Variants in DDR2 observed in about 807,000 individuals in gnomAD.
DDR2 encodes the protein discoidin domain receptor tyrosine kinase 2.
A neutral mutation model predicts 94.9 loss-of-function variants in DDR2; 27 were observed. That is an observed-to-expected ratio of 0.28 (90% CI 0.21 to 0.39). DDR2 has a LOEUF of 0.39. Ranked by LOEUF, DDR2 falls within the 10% of genes least tolerant of loss-of-function variation. DDR2 has a pLI of 1.00. For missense variants in DDR2, 783 were observed against 1,076.0 expected, an observed-to-expected ratio of 0.73 and a Z score of 3.81; for synonymous variants, 382 against 377.2, an observed-to-expected ratio of 1.01 and a Z score of -0.15.
At chr1:162,766,629 A>G (rs1030663647) in intron 10 of DDR2, among the ~76,000 whole-genome samples, 1 of 152,216 alleles carries the variant, frequency 6.6e-6, no homozygotes, top group Non-Finnish European at 1.5e-5. Context: ...GGCCATAATA[A>G]TACAGAGACA....
chr1:162,692,568 A>G (rs1174950800), intron 2 of DDR2, among the ~76,000 whole-genome samples: 2 of 152,224 alleles, frequency 1.3e-5, no homozygotes, highest in Non-Finnish European at 1.5e-5. Context: ...CTCCACCTTT[A>G]CCTCAGTCAC....
intron 2 of DDR2, among the ~76,000 whole-genome samples, chr1:162,715,197 A>G (rs1022118613): frequency 1.1e-4 from 17 of 152,188 alleles, no homozygotes; most frequent in African/African-American, 4.1e-4. Flanking sequence ...GCAAATACTT[A>G]TCAGGCACTC....
chr1:162,717,807 A>G (rs888547287), intron 2 of DDR2, among the ~76,000 whole-genome samples: 4 of 152,166 alleles, frequency 2.6e-5, no homozygotes, highest in Non-Finnish European at 5.9e-5. Flanking sequence ...TGACTTATCA[A>G]TGTTGATGTT....
At chr1:162,648,978 T>A (rs1350089433) in intron 1 of DDR2, among the ~76,000 whole-genome samples, 1 of 152,068 alleles carries the variant, frequency 6.6e-6, no homozygotes, top group Non-Finnish European at 1.5e-5. Flanking sequence ...TTGCTTCTCT[T>A]TCCCATCTCT....
At chr1:162,650,694 T>A (rs1385133047) in intron 1 of DDR2, among the ~76,000 whole-genome samples, 4 of 152,148 alleles carry the variant, frequency 2.6e-5, no homozygotes, top group Non-Finnish European at 5.9e-5. Flanking sequence ...CCTCCTGTGC[T>A]AGTCATTGGT....
Position 162,761,355 on chromosome 1 carries a change from G to T in DDR2, c.1000G>T (p.Val334Phe). Residue 334 changes from valine to phenylalanine, a missense_variant, in exon 9 of 18, where the codon GTC (valine) becomes TTC (phenylalanine). Around this residue, in one of 2 missense-constraint regions of DDR2, gnomAD observed 519 missense variants for 647.9 expected, o/e 0.80. Coordinates refer to ENST00000367921, the MANE Select transcript of DDR2 (RefSeq NM_006182.4). ...LDDVNPSARF[V>F]TVPLHHRMAS... Reference sequence around the variant, plus strand: ...TGACGTCAACCCCAGTGCTCGGTTTGTCACGGTGCCTCTCCACCACCGAAT... The same window carrying T: ...TGACGTCAACCCCAGTGCTCGGTTTTTCACGGTGCCTCTCCACCACCGAAT... The T allele has an allele frequency of 6.2e-7, 1 of 1,614,168 alleles. No individual in the cohort carries two copies. Among genetic ancestry groups the T allele is most frequent in the Non-Finnish European group, 8.5e-7 (1 of 1,180,030 alleles).
intron 1 of DDR2, among the ~76,000 whole-genome samples, chr1:162,649,039 T>G (rs572456902): frequency 1.3e-5 from 2 of 152,172 alleles, no homozygotes; most frequent in East Asian, 3.9e-4. Flanking sequence ...TAGTGACATT[T>G]CTGCTTGAGA....
intron 1 of DDR2, among the ~76,000 whole-genome samples, chr1:162,650,637 G>A (rs1490825942): frequency 6.6e-6 from 1 of 152,020 alleles, no homozygotes; most frequent in Non-Finnish European, 1.5e-5. Context: ...TGTGCTCCTG[G>A]TCACATGCAG....
Position 162,778,742 on chromosome 1 carries a change from G to A in DDR2, c.2433+13G>A, listed in dbSNP as rs2102207389. 1 of 1,613,682 alleles carries A rather than the reference G, an allele frequency of 6.2e-7. No individual in the cohort carries two copies. On this transcript the variant is annotated intron_variant, in intron 17 of 17. Transcript: ENST00000367921. ...CCAAGGGAGGCAGGTAAGAACTGTT[G>A]GGGATGAATGGATGTGGACCTGTGT...
In DDR2 at chr1:162,780,473, G is replaced by T; in HGVS notation, c.*227G>T. The T allele has an allele frequency of 1.8e-6, 1 of 556,020 alleles. No homozygotes were observed. The highest frequency in any genetic ancestry group is 3.1e-6 in the Non-Finnish European group (1 of 325,214). The allele number at this position is 556,020 out of a possible 1,614,324, so 34.4% of individuals were successfully genotyped here. ...AAAAAAGGAAAAAAAAAAGCCTAGGGCAGATACAATCTAGTAAAAGAAAAT... is the reference window on the plus strand; with the variant it reads ...AAAAAAGGAAAAAAAAAAGCCTAGGTCAGATACAATCTAGTAAAAGAAAAT... On this transcript the variant is annotated 3_prime_UTR_variant, in exon 18 of 18. Transcript: ENST00000367921.
At chr1:162,742,296 CAA>C (rs1253675148) in intron 3 of DDR2, among the ~76,000 whole-genome samples, 1 of 152,016 alleles carries the variant, frequency 6.6e-6, no homozygotes, top group Admixed American at 6.5e-5. Context: ...CAAGACTGGT[CAA>C]TTTATAAGAA....
intron 3 of DDR2, among the ~76,000 whole-genome samples, chr1:162,749,181 C>T (rs1266543482): frequency 1.3e-5 from 2 of 151,986 alleles, no homozygotes; most frequent in Non-Finnish European, 2.9e-5. Flanking sequence ...GAGATAGAGA[C>T]ACAAAAAACC....
intron 3 of DDR2, among the ~76,000 whole-genome samples, chr1:162,751,399 C>T (rs1360822843): frequency 6.6e-6 from 1 of 152,152 alleles, no homozygotes; most frequent in Non-Finnish European, 1.5e-5. Context: ...TGAAAAAATG[C>T]TCATCACCAC....
chr1:162,640,178 A>AT (rs1402370536), intron 1 of DDR2, among the ~76,000 whole-genome samples: 2 of 151,666 alleles, frequency 1.3e-5, no homozygotes, highest in African/African-American at 2.4e-5. Flanking sequence ...AGTAGCTGGG[A>AT]TTACAGGCGT....
At chr1:162,653,754 G>A (rs1571149634) in intron 1 of DDR2, among the ~76,000 whole-genome samples, 2 of 152,096 alleles carry the variant, frequency 1.3e-5, no homozygotes, top group East Asian at 3.9e-4. Flanking sequence ...GAGCAGTGAG[G>A]TAAGCCCCAA....
In DDR2 at chr1:162,782,928, A is replaced by C. The variant is rs1451025755; in HGVS notation, c.*2682A>C. 6.6e-6 allele frequency: 1 copy of C among 152,162 alleles called. No homozygotes were observed. The highest frequency in any genetic ancestry group is 2.4e-5 in the African/African-American group (1 of 41,430). The allele number at this position is 152,162 out of a possible 1,614,324, so 9.4% of individuals were successfully genotyped here. A position where few individuals can be genotyped will look rare whatever the true frequency, so the allele number is the denominator to read the frequency against. ...GCACTGAGAACTTTGTATTACAGAC[A>C]CAGGTTTAGTTTCTAGCTTAGTCAT... On this transcript the variant is annotated 3_prime_UTR_variant, in exon 18 of 18. Coordinates refer to ENST00000367921, the MANE Select transcript of DDR2 (RefSeq NM_006182.4).
chr1:162,649,802 C>T (rs935881227), intron 1 of DDR2, among the ~76,000 whole-genome samples: 1 of 152,212 alleles, frequency 6.6e-6, no homozygotes, highest in Non-Finnish European at 1.5e-5. Flanking sequence ...TGATATACAG[C>T]AACTAGTTCA....
At chr1:162,713,481 A>G (rs983738811) in intron 2 of DDR2, among the ~76,000 whole-genome samples, 8 of 152,210 alleles carry the variant, frequency 5.3e-5, no homozygotes, top group African/African-American at 1.4e-4. Context: ...ACAGCAGTCC[A>G]TCTCCTAACT....
chr1:162,776,849 C>A (rs1254239813), intron 16 of DDR2, among the ~76,000 whole-genome samples: 1 of 151,962 alleles, frequency 6.6e-6, no homozygotes, highest in East Asian at 1.9e-4. Context: ...CTTGATATTC[C>A]ATACCATAAG....
Sources: gnomAD v4.1 joint callset for allele counts (sites outside exome capture counted in the v4.1 genomes callset) on GRCh38, gnomAD v4.1.1 for gene constraint, gnomAD v4.1.1 regional missense constraint, MANE v1.5 for transcripts, NCBI Gene and HGNC (gene_info 2026-07-23, HGNC 2026-07-21) for gene names.